TAFA5: variants seen among roughly 807,000 people sequenced by gnomAD.
The protein encoded by TAFA5 is chemokine-like protein TAFA-5.
A neutral mutation model predicts 15.3 loss-of-function variants in TAFA5; 6 were observed. The ratio of observed to expected loss-of-function variants is 0.39; its 90% CI spans 0.21 to 0.77. The LOEUF is 0.77. Among genes scored for constraint, TAFA5 ranks in the 30% least tolerant of loss-of-function variants. TAFA5 has a pLI of 0.41. For synonymous variants in TAFA5, 103 were observed against 80.7 expected, an observed-to-expected ratio of 1.28 and a Z score of -1.48; for missense variants, 161 against 193.1, an observed-to-expected ratio of 0.83 and a Z score of 0.98.
rs1928110741 is a variant in TAFA5, at chr22:48,490,477, C to A, written c.112+773C>A. ...TGAAGGGTGGGGGGTGGCCTGTGCCCCTGCCGAGGCTCCAGGCGGGTGGAA... is the reference window on the plus strand; with the variant it reads ...TGAAGGGTGGGGGGTGGCCTGTGCCACTGCCGAGGCTCCAGGCGGGTGGAA... On this transcript the variant is annotated intron_variant, in intron 1 of 3. Coordinates refer to ENST00000402357, the MANE Select transcript of TAFA5 (RefSeq NM_001082967.3). This position sits in a 1 kb window ranked among gnomAD's most constrained non-coding sequence, Gnocchi z 5.8. Among the ~76,000 whole-genome samples the A allele has an allele frequency of 1.3e-5, 2 of 151,774 alleles. No individual in the cohort carries two copies. The highest frequency in any genetic ancestry group is 6.5e-5 in the Admixed American group (1 of 15,270).
intron 1 of TAFA5, among the ~76,000 whole-genome samples, chr22:48,625,694 C>T (rs1926004600): frequency 6.6e-6 from 1 of 152,186 alleles, no homozygotes. Context: ...GAATGCCCAA[C>T]CTAGTAAATG....
chr22:48,688,237 T>C (rs1437524785), intron 2 of TAFA5, among the ~76,000 whole-genome samples: 1 of 152,184 alleles, frequency 6.6e-6, no homozygotes, highest in Non-Finnish European at 1.5e-5. Context: ...TGAATCACTC[T>C]AATCAGAGAG....
At chr22:48,576,840 G>A (rs546252180) in intron 1 of TAFA5, among the ~76,000 whole-genome samples, 84 of 151,932 alleles carry the variant, frequency 5.5e-4, no homozygotes, top group African/African-American at 2.0e-3. Context: ...GCGCCGCCCC[G>A]GATCCCCAGC....
intron 1 of TAFA5, among the ~76,000 whole-genome samples, chr22:48,511,349 G>A (rs1921203265): frequency 6.6e-6 from 1 of 152,134 alleles, no homozygotes; most frequent in Non-Finnish European, 1.5e-5. Context: ...GGTGGCTGAC[G>A]CTTCCCAGAG....
chr22:48,688,529 C>T (rs1928434930), intron 2 of TAFA5, among the ~76,000 whole-genome samples: 2 of 152,230 alleles, frequency 1.3e-5, no homozygotes, highest in Non-Finnish European at 2.9e-5. Flanking sequence ...TTGGCTCCTG[C>T]CCCCTGAGGG....
Position 48,627,801 on chromosome 22 carries a change from C to T in TAFA5, c.113-18796C>T, listed in dbSNP as rs370520032. On this transcript the variant is annotated intron_variant, in intron 1 of 3. Coordinates refer to ENST00000402357, the MANE Select transcript of TAFA5 (RefSeq NM_001082967.3). ...AAGGGCCTCAGGGCCATGGCCAGGA[C>T]GAGGGGGAGGGAGGCACAGGCCTGG... Among the ~76,000 whole-genome samples, 591 of 152,296 alleles carry T rather than the reference C, an allele frequency of 3.9e-3. 4 individuals carry two copies. The highest frequency in any genetic ancestry group is 0.014 in the African/African-American group (574 of 41,560).
intron 1 of TAFA5, among the ~76,000 whole-genome samples, chr22:48,494,961 G>A (rs928306831): frequency 6.6e-6 from 1 of 152,220 alleles, no homozygotes; most frequent in Non-Finnish European, 1.5e-5. Context: ...CCAACTAGGC[G>A]AGCGGGACTC....
chr22:48,655,083 C>G (rs1927187944), intron 2 of TAFA5, among the ~76,000 whole-genome samples: 1 of 152,122 alleles, frequency 6.6e-6, no homozygotes, highest in African/African-American at 2.4e-5. Flanking sequence ...AGGCCACACC[C>G]ATCTGTCATT....
At chr22:48,542,400 TGCGTGTGTG>T (rs1430067249) in intron 1 of TAFA5, among the ~76,000 whole-genome samples, 1 of 114,444 alleles carries the variant, frequency 8.7e-6, no homozygotes, top group African/African-American at 3.6e-5. Context: ...GGTGTGTGTG[TGCGTGTGTG>T]GCGTGTGTGG....
chr22:48,563,800 A>T (rs1484324031), intron 1 of TAFA5, among the ~76,000 whole-genome samples: 1 of 152,234 alleles, frequency 6.6e-6, no homozygotes, highest in Non-Finnish European at 1.5e-5. Flanking sequence ...GACCCACGCC[A>T]GGTGGCAGCG....
chr22:48,648,772 G>A (rs1926954166), intron 2 of TAFA5, among the ~76,000 whole-genome samples: 1 of 152,128 alleles, frequency 6.6e-6, no homozygotes, highest in Non-Finnish European at 1.5e-5. Flanking sequence ...AGGTTGCAGT[G>A]AGCCGAGATC....
intron 2 of TAFA5, among the ~76,000 whole-genome samples, chr22:48,649,534 G>T (rs1209059613): frequency 6.6e-6 from 1 of 152,148 alleles, no homozygotes; most frequent in Non-Finnish European, 1.5e-5. Flanking sequence ...TCTGTAGAAG[G>T]CATCTGATTA....
chr22:48,500,212 G>A (rs1433699088), intron 1 of TAFA5, among the ~76,000 whole-genome samples: 1 of 152,234 alleles, frequency 6.6e-6, no homozygotes, highest in African/African-American at 2.4e-5. Flanking sequence ...AGCGATCCCA[G>A]CCTCAGACTC....
chr22:48,664,969 G>C (rs1004723650), intron 2 of TAFA5, among the ~76,000 whole-genome samples: 1 of 152,170 alleles, frequency 6.6e-6, no homozygotes, highest in African/African-American at 2.4e-5. Flanking sequence ...GGAGTGGCAG[G>C]GCTGTGACCT....
At chr22:48,746,430 G>C (rs1044962490) in intron 3 of TAFA5, among the ~76,000 whole-genome samples, 1 of 152,080 alleles carries the variant, frequency 6.6e-6, no homozygotes. Flanking sequence ...GGAGTTCAAG[G>C]CTGCAGTGAG....
At chr22:48,651,825 G>T (rs1204864281) in intron 2 of TAFA5, among the ~76,000 whole-genome samples, 2 of 152,184 alleles carry the variant, frequency 1.3e-5, no homozygotes, top group African/African-American at 4.8e-5. Context: ...GGTCGGTGCG[G>T]GAGGGTGGAG....
At chr22:48,693,994 T>C (rs1928623658) in intron 2 of TAFA5, among the ~76,000 whole-genome samples, 1 of 152,174 alleles carries the variant, frequency 6.6e-6, no homozygotes, top group Non-Finnish European at 1.5e-5. Flanking sequence ...GGCTGTCGGC[T>C]TCTCCTCTTT....
In TAFA5 at chr22:48,644,416, G is replaced by C. The variant is rs79097580; in HGVS notation, c.113-2181G>C. ...ACTGGGCTCTGCAGCCTGGCCTGGG[G>C]CACCTTGGACAGCTCCATGCCCTGC... On this transcript the variant is annotated intron_variant, in intron 1 of 3. Coordinates refer to ENST00000402357, the MANE Select transcript of TAFA5 (RefSeq NM_001082967.3). Among the ~76,000 whole-genome samples the C allele has an allele frequency of 2.1e-3, 323 of 152,336 alleles. 8 individuals are homozygous for C. In the East Asian group the frequency reaches 0.053, roughly 25 times the overall value.
intron 1 of TAFA5, among the ~76,000 whole-genome samples, chr22:48,558,108 T>G (rs893305732): frequency 1.3e-5 from 2 of 152,280 alleles, no homozygotes; most frequent in African/African-American, 4.8e-5. Context: ...GGGAAGGTGA[T>G]GGGGACTCCC....
Sources: gnomAD v4.1 joint callset for allele counts (sites outside exome capture counted in the v4.1 genomes callset) on GRCh38, gnomAD v4.1.1 for gene constraint, Gnocchi (gnomAD v3.1) non-coding constraint, MANE v1.5 for transcripts, NCBI Gene and HGNC (gene_info 2026-07-23, HGNC 2026-07-21) for gene names.